Variants in SF3B1 observed in about 807,000 individuals in gnomAD.
The protein encoded by SF3B1 is pre-mRNA processing 10.
In SF3B1, 12 loss-of-function variants were observed where a neutral mutation model predicts 153.8. The observed-to-expected ratio is 0.08, with a 90% CI of 0.05 to 0.13. The LOEUF (loss-of-function observed/expected upper bound fraction) is 0.13, where lower values mean the gene tolerates loss of function less well. SF3B1 is among the 10% of genes least tolerant of loss of function. The pLI, the probability that SF3B1 is intolerant of heterozygous loss-of-function variation, is 1.00. For synonymous variants in SF3B1, 498 were observed against 525.2 expected (o/e 0.95, Z 0.71); for missense variants, 513 against 1,606.1 (o/e 0.32, Z 11.63).
intron 5 of SF3B1, among the ~76,000 whole-genome samples, chr2:197,417,238 CAT>C (rs1380316598): frequency 4.6e-5 from 7 of 151,744 alleles, no homozygotes; most frequent in African/African-American, 1.7e-4. Flanking sequence ...CTTCAAAACT[CAT>C]ATAAATAGCA....
chr2:197,411,653 CAG>C (rs1389530984), intron 6 of SF3B1, among the ~76,000 whole-genome samples: 1 of 147,988 alleles, frequency 6.8e-6, no homozygotes, highest in Non-Finnish European at 1.5e-5. Context: ...GGCTGAGCGA[CAG>C]AGTGAGACCC....
Position 197,401,662 on chromosome 2 carries a change from T to G in SF3B1, c.2370+80A>C. 2 of 1,516,078 alleles carry G rather than the reference T, an allele frequency of 1.3e-6. No homozygotes were observed. The highest frequency in any genetic ancestry group is 1.8e-6 in the Non-Finnish European group (2 of 1,116,288). 93.9% of individuals were successfully genotyped at this position (1,516,078 alleles called of 1,614,324 possible). A position where few individuals can be genotyped will look rare whatever the true frequency, so the allele number is the denominator to read the frequency against. On this transcript the variant is annotated intron_variant, in intron 16 of 24. Coordinates refer to ENST00000335508, the MANE Select transcript of SF3B1 (RefSeq NM_012433.4). This position sits in a 1 kb window ranked among gnomAD's most constrained non-coding sequence, Gnocchi z 4.2. ...TTCGTGTAACATACAGTTTTTTTTGTTGATTTTTAAAAACACTTTAAAATT... is the reference window on the plus strand; with the variant it reads ...TTCGTGTAACATACAGTTTTTTTTGGTGATTTTTAAAAACACTTTAAAATT...
At chr2:197,403,890 T>TA (rs1419032021) in intron 11 of SF3B1, 126 bp from the exon 12 acceptor site, 1 of 654,442 alleles carries the variant, frequency 1.5e-6, no homozygotes, top group Non-Finnish European at 2.5e-6. Flanking sequence ...ACATTTTACA[T>TA]AGACAGCATG....
At chr2:197,425,086 G>A (rs2085312188) in intron 1 of SF3B1, among the ~76,000 whole-genome samples, 1 of 151,986 alleles carries the variant, frequency 6.6e-6, no homozygotes, top group Non-Finnish European at 1.5e-5. Context: ...AACCCGGGAG[G>A]CCAAGGCTGC....
In SF3B1 at chr2:197,401,751, A is replaced by T. The variant is rs1166902586; in HGVS notation, c.2361T>A (p.Ile787=). Reference sequence around the variant, plus strand: ...AATCTGGAATAATTACCTTCAGCACAATTTTTTTCATTTCCTCATCAGGAG... The same window carrying T: ...AATCTGGAATAATTACCTTCAGCACTATTTTTTTCATTTCCTCATCAGGAG... ...FQSPDEEMKK[I]VLKVVKQCCG... is the part of the protein sequence containing the mutation. Residue 787 remains isoleucine, a synonymous_variant, in exon 16 of 25, where the codon ATT becomes ATA. Transcript: ENST00000335508. The surrounding 1 kb of genome is among the most constrained non-coding windows in gnomAD (Gnocchi z 4.2). The T allele has an allele frequency of 6.2e-7, 1 of 1,609,706 alleles. No individual in the cohort carries two copies. The highest frequency in any genetic ancestry group is 1.3e-5 in the African/African-American group (1 of 74,810).
In SF3B1 at chr2:197,407,300, A is replaced by T. The variant is rs1574533585; in HGVS notation, c.1239+698T>A. 2.0e-5 allele frequency among the ~76,000 whole-genome samples: 3 copies of T among 152,090 alleles called. No individual in the cohort carries two copies. The Middle Eastern group carries it at 0.01, about 517-fold the overall frequency. On this transcript the variant is annotated intron_variant, in intron 9 of 24. Coordinates refer to ENST00000335508, the MANE Select transcript of SF3B1 (RefSeq NM_012433.4). ...TAGAAAATTTTATAGTTCAAAATAA[A>T]TTTTAGGTTGATATGATAAAAAGGC...
At chr2:197,403,834 AAAG>A (rs2084960217) in intron 11 of SF3B1, 70 bp from the exon 12 acceptor site, 4 of 1,155,512 alleles carry the variant, frequency 3.5e-6, no homozygotes, top group East Asian at 2.8e-5. Context: ...CAAATTACTC[AAAG>A]AAGATTTTCC....
At chr2:197,434,776 G>C (rs898867817) in intron 1 of SF3B1, among the ~76,000 whole-genome samples, 196 bp downstream of exon 1, 10 of 152,246 alleles carry the variant, frequency 6.6e-5, no homozygotes, top group African/African-American at 2.4e-4. Context: ...CAAAGCGCCT[G>C]TCGGGGGTGT....
intron 6 of SF3B1, among the ~76,000 whole-genome samples, chr2:197,413,830 C>T (rs2085107334): frequency 6.6e-6 from 1 of 151,134 alleles, no homozygotes; most frequent in Middle Eastern, 3.4e-3. Context: ...TTTTTTGAGA[C>T]AGAGTCTCGC....
At chr2:197,415,602 A>G (rs2085136439) in intron 6 of SF3B1, among the ~76,000 whole-genome samples, 1 of 152,170 alleles carries the variant, frequency 6.6e-6, no homozygotes, top group Non-Finnish European at 1.5e-5. Context: ...CTTTCTAAAA[A>G]ATCAATTTTA....
chr2:197,417,011 T>C, intron 5 of SF3B1, 100 bp from the exon 6 acceptor site: 1 of 1,218,678 alleles, frequency 8.2e-7, no homozygotes, highest in South Asian at 1.5e-5. Context: ...TATACTTTGC[T>C]CATTCTCTTT....
At chr2:197,403,507 G>T in intron 12 of SF3B1, 78 bp downstream of exon 12, 1 of 913,892 alleles carries the variant, frequency 1.1e-6, no homozygotes, top group Non-Finnish European at 1.6e-6. Flanking sequence ...AGGTCTAGGA[G>T]AATATGTAAA....
Position 197,390,430 on chromosome 2 carries a change from G to A in SF3B1, c.*1873C>T, listed in dbSNP as rs912881995. The A allele has an allele frequency of 2.0e-5, 3 of 152,198 alleles. No homozygotes were observed. Among genetic ancestry groups the A allele is most frequent in the Admixed American group, 1.3e-4 (2 of 15,286 alleles). The allele number at this position is 152,198 out of a possible 1,614,324, so 9.4% of individuals were successfully genotyped here. On this transcript the variant is annotated 3_prime_UTR_variant, in exon 25 of 25. Transcript: ENST00000335508. ...TTTGACATCAACCATAGAGAGCAGT[G>A]AGATTTAAAGTTGCATGGAAGTACC...
chr2:197,394,486 A>G (rs781455713), intron 23 of SF3B1, among the ~76,000 whole-genome samples: 4 of 152,244 alleles, frequency 2.6e-5, no homozygotes, highest in Non-Finnish European at 5.9e-5. Flanking sequence ...ACCTACAGAA[A>G]TAACTATCAT....
intron 9 of SF3B1, among the ~76,000 whole-genome samples, chr2:197,407,212 A>T (rs947802728): frequency 1.3e-5 from 2 of 152,208 alleles, no homozygotes; most frequent in Non-Finnish European, 2.9e-5. Flanking sequence ...CCTGGTTATG[A>T]TGTCAGCTAT....
At chr2:197,399,595 C>T (rs1411503610) in intron 20 of SF3B1, among the ~76,000 whole-genome samples, 1 of 152,100 alleles carries the variant, frequency 6.6e-6, no homozygotes, top group Non-Finnish European at 1.5e-5. Context: ...TTGATCAGTT[C>T]ACTTTTCTCT....
At chr2:197,394,035 T>C (rs1211585897) in intron 23 of SF3B1, among the ~76,000 whole-genome samples, 4 of 151,864 alleles carry the variant, frequency 2.6e-5, no homozygotes, top group Admixed American at 2.0e-4. Context: ...CATACAAAAA[T>C]TAGTAGGGCA....
Position 197,400,456 on chromosome 2 carries a change from A to G in SF3B1, c.2719-22T>C. 7 of 1,575,714 alleles carry G rather than the reference A, an allele frequency of 4.4e-6. No individual in the cohort carries two copies. Among genetic ancestry groups the G allele is most frequent in the Non-Finnish European group, 5.2e-6 (6 of 1,161,306 alleles). The stretch of plus-strand genomic sequence containing the variant: ...AGTCCTAAAAAATAAATTTAAAAAA[A>G]AGACATATTCATTTGGTTTATGACT... On this transcript the variant is annotated intron_variant, in intron 18 of 24. Coordinates refer to ENST00000335508, the MANE Select transcript of SF3B1 (RefSeq NM_012433.4). The surrounding 1 kb of genome is among the most constrained non-coding windows in gnomAD (Gnocchi z 5.0).
At chr2:197,404,666 T>G (rs958830032) in intron 11 of SF3B1, 1 of 153,124 alleles carries the variant, frequency 6.5e-6, no homozygotes, top group African/African-American at 2.4e-5. Flanking sequence ...TGCTATGTCC[T>G]TGATAAAGAT....
Sources: allele counts gnomAD v4.1 joint callset (sites outside exome capture counted in the v4.1 genomes callset), GRCh38; gene constraint gnomAD v4.1.1; non-coding constraint Gnocchi (gnomAD v3.1); transcripts MANE v1.5; gene names NCBI Gene and HGNC (gene_info 2026-07-23, HGNC 2026-07-21).